CSMD1: variants seen among roughly 807,000 people sequenced by gnomAD.
CSMD1 encodes CUB and sushi domain-containing protein 1.
Under a neutral mutation model 417.5 loss-of-function variants are expected in CSMD1, and 213 were observed. That is an observed-to-expected ratio of 0.51 (90% CI 0.46 to 0.57). CSMD1 has a LOEUF of 0.57. CSMD1 is among the 20% of genes least tolerant of loss of function. CSMD1 has a pLI of 0.00. For missense variants in CSMD1, 6,923 were observed against 4,529.7 expected (o/e 1.53, Z -15.17); for synonymous variants, 2,862 against 1,736.8 (o/e 1.65, Z -16.11).
intron 2 of CSMD1, among the ~76,000 whole-genome samples, chr8:4,631,727 T>C (rs905105670): frequency 6.6e-6 from 1 of 152,204 alleles, no homozygotes; most frequent in South Asian, 2.1e-4. Context: ...CACTTATTCA[T>C]GATTTTCTGA....
intron 3 of CSMD1, among the ~76,000 whole-genome samples, chr8:4,148,422 G>A (rs754310420): frequency 1.3e-5 from 2 of 151,792 alleles, no homozygotes; most frequent in Non-Finnish European, 2.9e-5. Context: ...AATGTTAAAT[G>A]ATGAGTTAAT....
In CSMD1 at chr8:4,638,793, G is replaced by A. The variant is rs948202589; in HGVS notation, c.86-1235C>T. ...ATGACAATGGGAAATGATGAGGGCT[G>A]AAGGGCAATTGAGTGCCACAAAGCC... is the stretch of plus-strand genomic sequence containing the variant. On this transcript the variant is annotated intron_variant, in intron 1 of 69. Coordinates refer to ENST00000635120, the MANE Select transcript of CSMD1 (RefSeq NM_033225.6). Among the ~76,000 whole-genome samples, 43 of 152,328 alleles carry A rather than the reference G, an allele frequency of 2.8e-4. 1 individual carries two copies. Among genetic ancestry groups the A allele is most frequent in the Admixed American group, 2.0e-3 (30 of 15,302 alleles).
At chr8:4,673,956 C>T (rs554865616) in intron 1 of CSMD1, among the ~76,000 whole-genome samples, 5 of 152,264 alleles carry the variant, frequency 3.3e-5, no homozygotes, top group African/African-American at 9.6e-5. Context: ...GAGGTGATTG[C>T]ACACCTCTGT....
chr8:4,482,261 A>G (rs1375295609), intron 2 of CSMD1, among the ~76,000 whole-genome samples: 1 of 152,034 alleles, frequency 6.6e-6, no homozygotes, highest in African/African-American at 2.4e-5. Context: ...CTCCACCCTT[A>G]TAGCCCCCAG....
intron 2 of CSMD1, among the ~76,000 whole-genome samples, chr8:4,596,545 G>C (rs568904738): frequency 1.4e-5 from 2 of 139,012 alleles, no homozygotes; most frequent in Admixed American, 7.7e-5. Context: ...CAAGCTATAA[G>C]CTTTTCTAAA....
At chr8:4,362,683 A>G (rs1801841013) in intron 3 of CSMD1, among the ~76,000 whole-genome samples, 1 of 152,222 alleles carries the variant, frequency 6.6e-6, no homozygotes. Flanking sequence ...AAAAGAAATT[A>G]TGGGATGACT....
chr8:4,250,137 T>A (rs1286303314), intron 3 of CSMD1, among the ~76,000 whole-genome samples: 1 of 152,150 alleles, frequency 6.6e-6, no homozygotes, highest in Non-Finnish European at 1.5e-5. Context: ...ACCAGTGACT[T>A]CATTTTGAGC....
intron 4 of CSMD1, among the ~76,000 whole-genome samples, chr8:4,021,613 T>C (rs2554585): frequency 0.45 from 67,698 of 152,012 alleles, 15,503 homozygotes; most frequent in South Asian, 0.64. Flanking sequence ...AAATGACTTA[T>C]CACATGTAGC....
chr8:4,217,957 A>C (rs1585042165), intron 3 of CSMD1, among the ~76,000 whole-genome samples: 1 of 152,322 alleles, frequency 6.6e-6, no homozygotes, highest in African/African-American at 2.4e-5. Flanking sequence ...GGCTCCAGGT[A>C]ATGCCATGGT....
chr8:4,194,257 G>T (rs1363195534), intron 3 of CSMD1, among the ~76,000 whole-genome samples: 1 of 152,060 alleles, frequency 6.6e-6, no homozygotes, highest in Non-Finnish European at 1.5e-5. Flanking sequence ...AATGAGGAGT[G>T]AATTTAGAAA....
intron 43 of CSMD1, among the ~76,000 whole-genome samples, chr8:3,109,390 C>T (rs539526529): frequency 4.6e-4 from 70 of 152,318 alleles, no homozygotes; most frequent in African/African-American, 1.4e-3. Context: ...GGTTTTAAAA[C>T]GGCAGTTTCA....
rs73660813 is a variant in CSMD1 at position 4,441,865 on chromosome 8, T to C, written c.303-21800A>G. ...GCATGAACGAAAATTCCAGAAAGATTTGAGTTATTTTAAAGTATGCTGCTA... is the reference window on the plus strand; with the variant it reads ...GCATGAACGAAAATTCCAGAAAGATCTGAGTTATTTTAAAGTATGCTGCTA... On this transcript the variant is annotated intron_variant, in intron 2 of 69. Transcript: ENST00000635120. Among the ~76,000 whole-genome samples, 828 of 152,280 alleles carry C rather than the reference T, an allele frequency of 5.4e-3. 8 individuals carry two copies. The highest frequency in any genetic ancestry group is 0.019 in the African/African-American group (784 of 41,542).
intron 1 of CSMD1, among the ~76,000 whole-genome samples, chr8:4,956,034 C>T (rs368939485): frequency 6.6e-6 from 1 of 152,278 alleles, no homozygotes; most frequent in East Asian, 1.9e-4. Context: ...CAGTCACGTG[C>T]TCAAAGACCA....
At chr8:4,743,701 C>T (rs1414482868) in intron 1 of CSMD1, among the ~76,000 whole-genome samples, 1 of 152,146 alleles carries the variant, frequency 6.6e-6, no homozygotes, top group Non-Finnish European at 1.5e-5. Flanking sequence ...CTGCTCTAAC[C>T]ACTTCTGGAT....
rs1319613087 is a variant in CSMD1 at position 3,851,000 on chromosome 8, A to G, written c.819-96958T>C. On this transcript the variant is annotated intron_variant, in intron 5 of 69. Transcript: ENST00000635120. ...GTATAATAAGTGCTTCAGCTTAGAT[A>G]AATATCTATGTGTTTTTCCTGCAGT... is the stretch of plus-strand genomic sequence containing the variant. Among the ~76,000 whole-genome samples the G allele has an allele frequency of 3.3e-5, 5 of 152,248 alleles. No homozygotes were observed. In the East Asian group the frequency reaches 9.6e-4, roughly 29 times the overall value.
chr8:3,301,772 G>C (rs1043493148), intron 25 of CSMD1, among the ~76,000 whole-genome samples: 2 of 152,204 alleles, frequency 1.3e-5, no homozygotes, highest in Admixed American at 1.3e-4. Flanking sequence ...TCAACGTACA[G>C]TGAGGGTATT....
At chr8:4,379,514 C>A (rs1802965926) in intron 3 of CSMD1, among the ~76,000 whole-genome samples, 1 of 152,092 alleles carries the variant, frequency 6.6e-6, no homozygotes, top group Non-Finnish European at 1.5e-5. Flanking sequence ...CACTGGAAGG[C>A]AAGTGGGTGA....
At chr8:4,901,276 A>G (rs1804854245) in intron 1 of CSMD1, among the ~76,000 whole-genome samples, 1 of 152,184 alleles carries the variant, frequency 6.6e-6, no homozygotes. Context: ...ACAAAACTAC[A>G]TTGTTAAGTT....
chr8:3,389,105 G>A (rs189544306), intron 17 of CSMD1, among the ~76,000 whole-genome samples: 1 of 152,094 alleles, frequency 6.6e-6, no homozygotes, highest in Non-Finnish European at 1.5e-5. Flanking sequence ...ATGATTTTTT[G>A]TTGTTGTTGT....
Sources: gnomAD v4.1 joint callset for allele counts (sites outside exome capture counted in the v4.1 genomes callset) on GRCh38, gnomAD v4.1.1 for gene constraint, MANE v1.5 for transcripts, NCBI Gene and HGNC (gene_info 2026-07-23, HGNC 2026-07-21) for gene names.